DCAF4: variants seen among roughly 807,000 people sequenced by gnomAD.
DCAF4 encodes the protein DDB1 and CUL4 associated factor 4, also known as DDB1- and CUL4-associated factor 4.
In DCAF4, 37 loss-of-function variants were observed where a neutral mutation model predicts 60.9. The ratio of observed to expected loss-of-function variants is 0.61; its 90% CI spans 0.47 to 0.80. DCAF4 has a LOEUF of 0.80. DCAF4 is among the 30% of genes least tolerant of loss of function. DCAF4 has a pLI of 0.00. For missense variants in DCAF4, 577 were observed against 650.0 expected, an observed-to-expected ratio of 0.89 and a Z score of 1.22; for synonymous variants, 243 against 254.8, an observed-to-expected ratio of 0.95 and a Z score of 0.44.
At chr14:72,934,785 C>G (rs895683275) in intron 1 of DCAF4, among the ~76,000 whole-genome samples, 20 of 152,178 alleles carry the variant, frequency 1.3e-4, no homozygotes, top group Admixed American at 3.9e-4. Flanking sequence ...CCAGGTAGCA[C>G]AGCTTATTAT....
At chr14:72,928,187 C>CTTTATTTTTTTTTT in intron 1 of DCAF4, among the ~76,000 whole-genome samples, 1 of 67,256 alleles carries the variant, frequency 1.5e-5, no homozygotes, top group Non-Finnish European at 2.5e-5. Context: ...AATCCCCCCA[C>CTTTATTTTTTTTTT]TTTTTTTTTT....
downstream of DCAF4, among the ~76,000 whole-genome samples, chr14:72,959,923 C>G (rs1415041044): frequency 6.6e-6 from 1 of 152,178 alleles, no homozygotes; most frequent in Non-Finnish European, 1.5e-5. Flanking sequence ...GGTTCCCCGG[C>G]TCCCTTCTGG....
At chr14:72,952,757 C>T (rs1247078513) in intron 9 of DCAF4, among the ~76,000 whole-genome samples, 5 of 143,528 alleles carry the variant, frequency 3.5e-5, no homozygotes, top group Non-Finnish European at 4.5e-5. Flanking sequence ...TGCAATGGCA[C>T]GATCTCAGCT....
chr14:72,926,724 G>A (rs1161438369), intron 1 of DCAF4, 181 bp downstream of exon 1: 1 of 152,328 alleles, frequency 6.6e-6, no homozygotes, highest in Non-Finnish European at 1.5e-5. Flanking sequence ...CAGCTGGGCC[G>A]GCGCGCTCCG....
intron 6 of DCAF4, among the ~76,000 whole-genome samples, chr14:72,945,171 T>C (rs1448808468): frequency 6.6e-6 from 1 of 152,012 alleles, no homozygotes; most frequent in Non-Finnish European, 1.5e-5. Context: ...GGCAGAAGGA[T>C]CACTTGAGGC....
intron 1 of DCAF4, among the ~76,000 whole-genome samples, chr14:72,930,264 G>A (rs961967386): frequency 6.9e-6 from 1 of 145,464 alleles, no homozygotes; most frequent in South Asian, 2.1e-4. Context: ...TTTTTGAGAC[G>A]GAGTTTTTTT....
At chr14:72,936,239 C>T (rs1053057312) in intron 1 of DCAF4, among the ~76,000 whole-genome samples, 3 of 152,180 alleles carry the variant, frequency 2.0e-5, no homozygotes, top group African/African-American at 7.2e-5. Context: ...ACATGGTGTT[C>T]AGGAGCCATT....
At position 72,929,549 on chromosome 14, in the gene DCAF4, T is replaced by A. The variant is rs1002163352; in HGVS notation, c.-9+3006T>A. ...ACCCCGTCTCTACAAAAATATTTTT[T>A]ATTTTTATTTTATTTTTCCGTCAAG... is the stretch of plus-strand genomic sequence containing the variant. On this transcript the variant is annotated intron_variant, in intron 1 of 13. Transcript: ENST00000358377. 3 of 847,366 alleles carry A rather than the reference T, an allele frequency of 3.5e-6. No individual in the cohort carries two copies. The East Asian group carries it at 8.0e-5, about 23-fold the overall frequency. The allele number at this position is 847,366 out of a possible 1,614,324, so 52.5% of individuals were successfully genotyped here.
At chr14:72,958,512 A>G (rs1334016196) in intron 13 of DCAF4, 100 bp from the exon 14 acceptor site, 2 of 1,411,384 alleles carry the variant, frequency 1.4e-6, no homozygotes, top group Admixed American at 3.9e-5. Flanking sequence ...CTCACATGAA[A>G]TCACAGCCCT....
chr14:72,940,289 G>C lies in DCAF4; in HGVS notation c.263G>C (p.Cys88Ser). The C allele has an allele frequency of 6.2e-7, 1 of 1,614,178 alleles. No individual in the cohort carries two copies. Among genetic ancestry groups the C allele is most frequent in the Non-Finnish European group, 8.5e-7 (1 of 1,180,042 alleles). ...YFRLLPGHNN[C>S]NPLTKESIRQ... ...CGCTTGCTCCCTGGACATAACAACT[G>C]CAACCCCCTGACGAAAGAGAGCATC... Residue 88 changes from cysteine (C) to serine (S), a missense_variant, in exon 4 of 14, where the codon TGC (cysteine) becomes TCC (serine). By Grantham distance (112) the Cys-to-Ser change is moderately radical (BLOSUM62 -1). Coordinates refer to ENST00000358377, the MANE Select transcript of DCAF4 (RefSeq NM_015604.4).
At chr14:72,927,338 G>A (rs1439179261) in intron 1 of DCAF4, among the ~76,000 whole-genome samples, 4 of 132,328 alleles carry the variant, frequency 3.0e-5, no homozygotes, top group Admixed American at 9.2e-5. Context: ...AGTCGCGGTG[G>A]TGTTCTTTTT....
chr14:72,956,531 C>T (rs1892325011), intron 13 of DCAF4, 31 bp downstream of exon 13: 1 of 1,577,638 alleles, frequency 6.3e-7, no homozygotes, highest in Admixed American at 1.8e-5. Context: ...AAGTTCCACC[C>T]CATCAAATAC....
intron 1 of DCAF4, chr14:72,929,960 G>A (rs1599565236): frequency 1.7e-5 from 14 of 800,658 alleles, no homozygotes; most frequent in Middle Eastern, 3.5e-4. Context: ...GGCCGTGGCG[G>A]AAGGCCAAAA....
intron 13 of DCAF4, among the ~76,000 whole-genome samples, chr14:72,958,312 G>T (rs1233776354): frequency 6.6e-6 from 1 of 152,178 alleles, no homozygotes; most frequent in Admixed American, 6.5e-5. Context: ...ACCTAGACCA[G>T]GTGGGCCACA....
At chr14:72,934,223 G>A (rs547432104) in intron 1 of DCAF4, among the ~76,000 whole-genome samples, 6 of 150,328 alleles carry the variant, frequency 4.0e-5, no homozygotes, top group South Asian at 2.1e-4. Flanking sequence ...GCGCTATCTC[G>A]GCTCACGGCA....
At chr14:72,936,041 C>G (rs1023870981) in intron 1 of DCAF4, among the ~76,000 whole-genome samples, 1 of 152,136 alleles carries the variant, frequency 6.6e-6, no homozygotes, top group African/African-American at 2.4e-5. Flanking sequence ...CCCACTTCAG[C>G]CTCCCAAAAG....
downstream of DCAF4, chr14:72,960,791 C>T (rs903507587): frequency 5.7e-6 from 3 of 524,240 alleles, no homozygotes; most frequent in South Asian, 7.4e-5. Flanking sequence ...CTGCATCTTT[C>T]CAGCTTTTCT....
At chr14:72,949,853 G>A (rs1221746150) in intron 8 of DCAF4, among the ~76,000 whole-genome samples, 1 of 152,220 alleles carries the variant, frequency 6.6e-6, no homozygotes, top group Non-Finnish European at 1.5e-5. Flanking sequence ...AATATGTGTG[G>A]TCATTCAGAC....
intron 8 of DCAF4, among the ~76,000 whole-genome samples, chr14:72,947,994 T>C (rs1303801040): frequency 6.6e-6 from 1 of 152,182 alleles, no homozygotes; most frequent in East Asian, 1.9e-4. Flanking sequence ...AAATGTGTTC[T>C]GGAAACAATG....
Sources: gnomAD v4.1 joint callset for allele counts (sites outside exome capture counted in the v4.1 genomes callset) on GRCh38, gnomAD v4.1.1 for gene constraint, MANE v1.5 for transcripts, NCBI Gene and HGNC (gene_info 2026-07-23, HGNC 2026-07-21) for gene names.